SASS6: variants seen among roughly 807,000 people sequenced by gnomAD.
SASS6 encodes the protein spindle assembly abnormal protein 6 homolog.
In SASS6, 59 loss-of-function variants were observed where a neutral mutation model predicts 94.9. The ratio of observed to expected loss-of-function variants is 0.62; its 90% CI spans 0.50 to 0.77. The LOEUF is 0.77. SASS6 is among the 30% of genes least tolerant of loss of function. The pLI, the probability that SASS6 is intolerant of heterozygous loss-of-function variation, is 0.00. For synonymous variants in SASS6, 264 were observed against 270.0 expected (o/e 0.98, Z 0.22); for missense variants, 698 against 734.1 (o/e 0.95, Z 0.57).
intron 2 of SASS6, among the ~76,000 whole-genome samples, chr1:100,125,196 A>G (rs1480829337): frequency 6.6e-6 from 1 of 151,524 alleles, no homozygotes; most frequent in East Asian, 1.9e-4. Context: ...CATTTATACC[A>G]TGAAATGCCA....
chr1:100,123,085 A>T (rs1230890926), intron 3 of SASS6, 125 bp downstream of exon 3: 2 of 523,216 alleles, frequency 3.8e-6, no homozygotes, highest in African/African-American at 4.1e-5. Flanking sequence ...GATAGTACAA[A>T]TAGCCCAATA....
chr1:100,085,438 C>T lies in SASS6; in HGVS notation c.1868-4G>A, dbSNP rs1158450277. On this transcript the variant is annotated splice_region_variant and splice_polypyrimidine_tract_variant and intron_variant, in intron 16 of 16. Coordinates refer to ENST00000287482, the MANE Select transcript of SASS6 (RefSeq NM_194292.3). ...AAAGTGCCATCTCTCTGATGGTCTG[C>T]AAATGAGGACAAAAAAAGGTTACTG... 2 of 1,595,690 alleles carry T rather than the reference C, an allele frequency of 1.3e-6. No individual in the cohort carries two copies. The highest frequency in any genetic ancestry group is 2.2e-5 in the South Asian group (2 of 90,686).
At chr1:100,130,675 CG>C (rs1386321091) in intron 1 of SASS6, among the ~76,000 whole-genome samples, 2 of 123,480 alleles carry the variant, frequency 1.6e-5, no homozygotes, top group Admixed American at 9.7e-5. Context: ...GGCAACAGAG[CG>C]AGACTCTGTC....
chr1:100,122,970 G>A (rs80212659), intron 3 of SASS6, among the ~76,000 whole-genome samples: 1 of 151,878 alleles, frequency 6.6e-6, no homozygotes, highest in Non-Finnish European at 1.5e-5. Context: ...TATTCAATGG[G>A]AAAAAAAATC....
intron 7 of SASS6, among the ~76,000 whole-genome samples, chr1:100,116,213 G>A (rs1257277773): frequency 6.6e-6 from 1 of 152,098 alleles, no homozygotes; most frequent in Non-Finnish European, 1.5e-5. Flanking sequence ...GAAAAGGCAA[G>A]CTATAGACAA....
At chr1:100,129,345 C>T (rs1311958119) in intron 1 of SASS6, among the ~76,000 whole-genome samples, 1 of 152,008 alleles carries the variant, frequency 6.6e-6, no homozygotes. Flanking sequence ...TGACTTTTTG[C>T]TAGATTTGCT....
Position 100,119,026 on chromosome 1 carries a change from CT to C in SASS6, c.660del (p.Ala221ProfsTer19). ...HSQELTNEKE[K>X]ALQAQVQYQQ... is the part of the protein sequence containing the mutation. ...TCCTTTAATGTTCTTACCTGCAAGG[CT>C]TTTTCCTTTTCATTTGTCAGTTCCT... On this transcript the variant is annotated frameshift_variant, in exon 7 of 17. Transcript: ENST00000287482. LOFTEE classifies it high-confidence loss of function. 4 of 1,571,146 alleles carry C rather than the reference CT, an allele frequency of 2.5e-6. No homozygotes were observed. Among genetic ancestry groups the C allele is most frequent in the Non-Finnish European group, 3.5e-6 (4 of 1,155,758 alleles).
At chr1:100,092,985 G>C (rs887528644) in intron 14 of SASS6, among the ~76,000 whole-genome samples, 1 of 151,980 alleles carries the variant, frequency 6.6e-6, no homozygotes, top group African/African-American at 2.4e-5. Flanking sequence ...AAACATAAGG[G>C]GGGAAAAGGC....
chr1:100,096,324 T>C (rs978972394), intron 14 of SASS6, among the ~76,000 whole-genome samples: 2 of 152,194 alleles, frequency 1.3e-5, no homozygotes, highest in Admixed American at 6.5e-5. Context: ...AAGAACTGGA[T>C]ATTCAGAGCA....
At chr1:100,118,388 C>T (rs1326644294) in intron 7 of SASS6, among the ~76,000 whole-genome samples, 1 of 151,992 alleles carries the variant, frequency 6.6e-6, no homozygotes, top group Non-Finnish European at 1.5e-5. Flanking sequence ...TCCTTATACA[C>T]TACCTTATCT....
intron 14 of SASS6, among the ~76,000 whole-genome samples, chr1:100,094,805 G>A (rs1651999045): frequency 6.6e-6 from 1 of 151,304 alleles, no homozygotes; most frequent in Non-Finnish European, 1.5e-5. Flanking sequence ...GGCAGAGGTT[G>A]CAGGGAGCCG....
At chr1:100,105,727 A>C (rs923856227) in intron 13 of SASS6, 40 bp downstream of exon 13, 1 of 1,589,560 alleles carries the variant, frequency 6.3e-7, no homozygotes, top group Non-Finnish European at 8.6e-7. Context: ...TTGTTTCAGG[A>C]AATTCACTAA....
intron 7 of SASS6, among the ~76,000 whole-genome samples, chr1:100,112,948 A>G (rs1253641513): frequency 6.6e-6 from 1 of 152,216 alleles, no homozygotes; most frequent in Non-Finnish European, 1.5e-5. Flanking sequence ...TATTAGCAGG[A>G]AGAGAAGTGT....
chr1:100,125,669 C>CAAAA (rs11299065), intron 2 of SASS6, among the ~76,000 whole-genome samples: 1 of 80,354 alleles, frequency 1.2e-5, no homozygotes, highest in Non-Finnish European at 2.6e-5. Context: ...GACTCCATCT[C>CAAAA]AAAAAAAAAA....
chr1:100,094,082 CAA>C (rs773993842), intron 14 of SASS6, among the ~76,000 whole-genome samples: 1 of 151,824 alleles, frequency 6.6e-6, no homozygotes, highest in African/African-American at 2.4e-5. Flanking sequence ...ACTGATTTTT[CAA>C]AGAGACAAGG....
rs990601855 is a variant in SASS6 at position 100,084,550 on chromosome 1, G to A, written c.*778C>T. ...GAATATTCATGATATAGTAGATTTAGTAGTAGTACCAAGTTTTAAAAGTCC... is the reference window on the plus strand; with the variant it reads ...GAATATTCATGATATAGTAGATTTAATAGTAGTACCAAGTTTTAAAAGTCC... On this transcript the variant is annotated 3_prime_UTR_variant, in exon 17 of 17. Coordinates refer to ENST00000287482, the MANE Select transcript of SASS6 (RefSeq NM_194292.3). The A allele has an allele frequency of 3.9e-5, 6 of 152,058 alleles. No individual in the cohort carries two copies. The highest frequency in any genetic ancestry group is 1.4e-4 in the African/African-American group (6 of 41,412). The allele number at this position is 152,058 out of a possible 1,614,324, so 9.4% of individuals were successfully genotyped here.
intron 14 of SASS6, among the ~76,000 whole-genome samples, chr1:100,093,182 T>C (rs867793165): frequency 1.5e-4 from 21 of 136,848 alleles, no homozygotes; most frequent in Non-Finnish European, 2.2e-4. Context: ...TTCTTTTTTT[T>C]TTTTTTTTTT....
chr1:100,107,408 T>C lies in SASS6; in HGVS notation c.1292A>G (p.Asp431Gly). ...KLQKEQKELQ[D>G]VGQSLRIKEQ... ...TTTAATTCGAAGAGACTGTCCAACA[T>C]CTTGTAATTCCTTTTGTTCCTTTTG... Residue 431 changes from aspartate (D) to glycine (G), a missense_variant, in exon 11 of 17, where the codon GAT (aspartate) becomes GGT (glycine). By Grantham distance (94) the Asp-to-Gly change is moderately conservative. Coordinates refer to ENST00000287482, the MANE Select transcript of SASS6 (RefSeq NM_194292.3). 1 of 1,609,326 alleles carries C rather than the reference T, an allele frequency of 6.2e-7. No homozygotes were observed. The highest frequency in any genetic ancestry group is 8.5e-7 in the Non-Finnish European group (1 of 1,176,638).
At chr1:100,128,670 A>G (rs1654797584) in intron 1 of SASS6, among the ~76,000 whole-genome samples, 2 of 152,258 alleles carry the variant, frequency 1.3e-5, no homozygotes, top group African/African-American at 4.8e-5. Flanking sequence ...GGTTAATGTC[A>G]TAAGAGCAAT....
Sources: gnomAD v4.1 joint callset for allele counts (sites outside exome capture counted in the v4.1 genomes callset) on GRCh38, gnomAD v4.1.1 for gene constraint, MANE v1.5 for transcripts, NCBI Gene and HGNC (gene_info 2026-07-23, HGNC 2026-07-21) for gene names.